ITPR2: variants seen among roughly 807,000 people sequenced by gnomAD.
The protein encoded by ITPR2 is inositol 1,4,5-trisphosphate receptor type 2.
Under a neutral mutation model 317.1 loss-of-function variants are expected in ITPR2, and 207 were observed. The observed-to-expected ratio is 0.65, with a 90% CI of 0.58 to 0.73. The LOEUF is 0.73. Ranked by LOEUF, ITPR2 falls within the 30% of genes least tolerant of loss-of-function variation. ITPR2 has a pLI of 0.00. For missense variants in ITPR2, 2,613 were observed against 3,284.0 expected (o/e 0.80, Z 4.99); for synonymous variants, 1,156 against 1,149.1 (o/e 1.01, Z -0.12).
At chr12:26,440,154 T>C (rs2136730594) in intron 46 of ITPR2, among the ~76,000 whole-genome samples, 1 of 152,284 alleles carries the variant, frequency 6.6e-6, no homozygotes, top group South Asian at 2.1e-4. Context: ...AGAAATATCC[T>C]GAAAGGGCTT....
chr12:26,505,722 T>C (rs1246862674), intron 37 of ITPR2, among the ~76,000 whole-genome samples: 1 of 152,096 alleles, frequency 6.6e-6, no homozygotes, highest in Non-Finnish European at 1.5e-5. Flanking sequence ...TGACCATTGA[T>C]TCCAACACCT....
In ITPR2 at chr12:26,725,852, G is replaced by A. The variant is rs184209174; in HGVS notation, c.164-87C>T. On this transcript the variant is annotated intron_variant, in intron 2 of 56. Transcript: ENST00000381340. ...CTTATAGCTCAGCTTTTGAATCTTG[G>A]AATCCCTGATTATACAGAACAGTTA... 373 of 854,542 alleles carry A rather than the reference G, an allele frequency of 4.4e-4. 1 individual carries two copies. In the African/African-American group the frequency reaches 5.7e-3, roughly 13 times the overall value. The allele number at this position is 854,542 out of a possible 1,614,324, so 52.9% of individuals were successfully genotyped here.
chr12:26,405,063 G>C (rs1428100410), intron 52 of ITPR2, among the ~76,000 whole-genome samples: 1 of 151,950 alleles, frequency 6.6e-6, no homozygotes, highest in Non-Finnish European at 1.5e-5. Flanking sequence ...GAACCCAGGA[G>C]GCAGAGGTTG....
intron 37 of ITPR2, among the ~76,000 whole-genome samples, chr12:26,549,543 T>C (rs557062168): frequency 3.8e-4 from 58 of 152,254 alleles, no homozygotes; most frequent in South Asian, 1.9e-3. Context: ...GGTACAAATT[T>C]TGTTTAATAT....
chr12:26,599,383 G>A, intron 29 of ITPR2, 38 bp from the exon 30 acceptor site: 1 of 1,580,996 alleles, frequency 6.3e-7, no homozygotes, highest in Non-Finnish European at 8.7e-7. Context: ...ATTCTGACAA[G>A]ATCAATTTTC....
At chr12:26,655,665 AC>A in intron 20 of ITPR2, 42 bp downstream of exon 20, 1 of 1,539,184 alleles carries the variant, frequency 6.5e-7, no homozygotes, top group Non-Finnish European at 8.9e-7. Context: ...GAACTAAACT[AC>A]CCAGTTACCA....
intron 1 of ITPR2, among the ~76,000 whole-genome samples, chr12:26,795,767 C>T (rs1025669220): frequency 2.7e-4 from 41 of 151,998 alleles, no homozygotes; most frequent in African/African-American, 9.9e-4. Flanking sequence ...GCAGATCATC[C>T]GAGGTCAGGA....
chr12:26,484,538 T>A (rs1440361433), intron 41 of ITPR2, among the ~76,000 whole-genome samples: 1 of 152,198 alleles, frequency 6.6e-6, no homozygotes, highest in Non-Finnish European at 1.5e-5. Flanking sequence ...CCATATCATA[T>A]GTATGGTAAT....
At chr12:26,787,577 A>G (rs994773850) in intron 2 of ITPR2, among the ~76,000 whole-genome samples, 1 of 152,242 alleles carries the variant, frequency 6.6e-6, no homozygotes, top group East Asian at 1.9e-4. Context: ...TGAAAGAGGG[A>G]AAGAGGAAAG....
intron 52 of ITPR2, among the ~76,000 whole-genome samples, chr12:26,404,309 A>C (rs909436355): frequency 6.6e-6 from 1 of 152,218 alleles, no homozygotes; most frequent in Non-Finnish European, 1.5e-5. Context: ...ACCATTTAGA[A>C]GGAAGAACTG....
intron 55 of ITPR2, among the ~76,000 whole-genome samples, chr12:26,383,008 G>A (rs536163895): frequency 6.6e-6 from 1 of 152,076 alleles, no homozygotes. Flanking sequence ...TTGGAGGTGG[G>A]GCTTAGTGGG....
intron 52 of ITPR2, among the ~76,000 whole-genome samples, chr12:26,409,863 C>T (rs554508477): frequency 9.2e-5 from 14 of 152,120 alleles, no homozygotes; most frequent in African/African-American, 3.4e-4. Context: ...GGTCAAATTG[C>T]GACGACCTGG....
chr12:26,352,014 G>C (rs190776497), intron 55 of ITPR2, among the ~76,000 whole-genome samples: 1 of 152,270 alleles, frequency 6.6e-6, no homozygotes, highest in Non-Finnish European at 1.5e-5. Context: ...AATACTCAAG[G>C]GGGCATTCGT....
At chr12:26,600,173 A>C (rs1945961047) in intron 28 of ITPR2, 64 bp from the exon 29 acceptor site, 2 of 1,431,130 alleles carry the variant, frequency 1.4e-6, no homozygotes, top group South Asian at 1.3e-5. Flanking sequence ...TTATGCAAAA[A>C]TCTCTCCTTC....
At chr12:26,429,671 C>A (rs118126754) in intron 48 of ITPR2, among the ~76,000 whole-genome samples, 3,835 of 152,318 alleles carry the variant, frequency 0.025, 73 homozygotes, top group Non-Finnish European at 0.038. Flanking sequence ...GCCTGTTACA[C>A]AACAACAAAT....
chr12:26,599,259 A>C lies in ITPR2; in HGVS notation c.3888T>G (p.Phe1296Leu). ...GGCCATGTGTCTCAATGCAGTGCAC[A>C]AAGTGTTGTACAACTCTCTCGCTAA... ...NEISERVVQHFVHCIETHGRH... is the reference protein window; with the variant it reads ...NEISERVVQHLVHCIETHGRH... Residue 1296 changes from phenylalanine (F) to leucine (L), a missense_variant, in exon 30 of 57, where the codon TTT (phenylalanine) becomes TTG (leucine). Physicochemically the swap from Phe to Leu is conservative, Grantham distance 22. Transcript: ENST00000381340. 1 of 1,614,084 alleles carries C rather than the reference A, an allele frequency of 6.2e-7. No individual in the cohort carries two copies. The highest frequency in any genetic ancestry group is 8.5e-7 in the Non-Finnish European group (1 of 1,179,948).
intron 29 of ITPR2, 87 bp downstream of exon 29, chr12:26,599,900 G>A: frequency 2.2e-6 from 2 of 928,680 alleles, no homozygotes; most frequent in Non-Finnish European, 3.2e-6. Context: ...AAGCAAGGAA[G>A]TGTAACAAAA....
chr12:26,624,793 TA>T (rs1946583135), intron 23 of ITPR2, among the ~76,000 whole-genome samples: 1 of 139,254 alleles, frequency 7.2e-6, no homozygotes. Context: ...AAAAAAAAAC[TA>T]AAAATTGAGC....
chr12:26,663,823 G>T lies in ITPR2; in HGVS notation c.1575C>A (p.Pro525=). 6.2e-7 allele frequency: 1 copy of T among 1,611,958 alleles called. No individual in the cohort carries two copies. The highest frequency in any genetic ancestry group is 8.5e-7 in the Non-Finnish European group (1 of 1,179,450). Residue 525 remains proline (P), a synonymous_variant, in exon 15 of 57, where the codon CCC becomes CCA. Coordinates refer to ENST00000381340, the MANE Select transcript of ITPR2 (RefSeq NM_002223.4). ...LAQVFGILKA[P]FKEKAGEGSM... Reference sequence around the variant, plus strand: ...AGCCTTCTCCTGCTTTCTCTTTAAAGGGTGCTTTAAGAATTCCAAATACCT... The same window carrying T: ...AGCCTTCTCCTGCTTTCTCTTTAAATGGTGCTTTAAGAATTCCAAATACCT...
Sources: allele counts gnomAD v4.1 joint callset (sites outside exome capture counted in the v4.1 genomes callset), GRCh38; gene constraint gnomAD v4.1.1; transcripts MANE v1.5; gene names NCBI Gene and HGNC (gene_info 2026-07-23, HGNC 2026-07-21).